Variants in RFX8 observed in about 807,000 individuals in gnomAD.
RFX8 encodes the protein regulatory factor X8.
A neutral mutation model predicts 54.6 loss-of-function variants in RFX8; 46 were observed. The observed-to-expected ratio is 0.84, with a 90% CI of 0.67 to 1.08. RFX8 has a LOEUF of 1.08. RFX8 is among the 50% of genes least tolerant of loss of function. The pLI, the probability that RFX8 is intolerant of heterozygous loss-of-function variation, is 0.00. For missense variants in RFX8, 536 were observed against 562.3 expected (o/e 0.95, Z 0.47); for synonymous variants, 192 against 209.5 (o/e 0.92, Z 0.72).
chr2:101,447,272 A>ATTC (rs56327233), intron 2 of RFX8, among the ~76,000 whole-genome samples: 113,609 of 151,886 alleles, frequency 0.75, 43,595 homozygotes, highest in Middle Eastern at 0.88. Flanking sequence ...TTTCCCAACT[A>ATTC]TTCTTAAACC....
intron 2 of RFX8, among the ~76,000 whole-genome samples, chr2:101,446,387 G>C (rs756776120): frequency 4.0e-5 from 6 of 151,578 alleles, no homozygotes; most frequent in Non-Finnish European, 8.8e-5. Context: ...TGTTGGCCAG[G>C]CTGGTCTCGA....
intron 3 of RFX8, 119 bp downstream of exon 3, chr2:101,422,243 G>T: frequency 1.5e-6 from 1 of 646,678 alleles, no homozygotes; most frequent in Non-Finnish European, 2.8e-6. Flanking sequence ...CACGGGTCCA[G>T]CAAAGGCAAA....
intron 2 of RFX8, among the ~76,000 whole-genome samples, chr2:101,443,747 G>C (rs1024808033): frequency 3.3e-5 from 5 of 152,144 alleles, no homozygotes; most frequent in Non-Finnish European, 7.3e-5. Flanking sequence ...GTCAATAGGT[G>C]TAGGCATAAA....
In RFX8 at chr2:101,451,702, A is replaced by G. The variant is rs1348394683; in HGVS notation, c.72+15075T>C. 7.5e-4 allele frequency among the ~76,000 whole-genome samples: 113 copies of G among 151,414 alleles called. 3 individuals are homozygous for G. Among genetic ancestry groups the G allele is most frequent in the African/African-American group, 2.5e-3 (105 of 41,268 alleles). ...GAAACTCCGTCTCAAAAAAAAAAAA[A>G]AAAAGAAAAGTAATATAGCCTCGGG... On this transcript the variant is annotated intron_variant, in intron 2 of 11. Coordinates refer to ENST00000428343, the MANE Select transcript of RFX8 (RefSeq NM_001145664.2).
chr2:101,427,624 C>T lies in RFX8; in HGVS notation c.73-5152G>A, dbSNP rs115982677. ...GTTGTTTTAAGTCACTGACTTTGTG[C>T]TAATTTGTCACAACAACAGTGGGAA... On this transcript the variant is annotated intron_variant, in intron 2 of 11. Transcript: ENST00000428343. Among the ~76,000 whole-genome samples the T allele has an allele frequency of 2.0e-3, 297 of 152,272 alleles. 1 individual carries two copies. The highest frequency in any genetic ancestry group is 0.01 in the Middle Eastern group (3 of 294).
At chr2:101,451,836 G>T (rs758886339) in intron 2 of RFX8, among the ~76,000 whole-genome samples, 3 of 152,170 alleles carry the variant, frequency 2.0e-5, no homozygotes, top group Non-Finnish European at 2.9e-5. Context: ...GCTCACGCCC[G>T]TAATCCCAGT....
intron 2 of RFX8, among the ~76,000 whole-genome samples, chr2:101,436,388 A>G (rs1687783827): frequency 6.6e-6 from 1 of 152,130 alleles, no homozygotes; most frequent in Admixed American, 6.5e-5. Flanking sequence ...GATAAAGACA[A>G]TTGAGATGCC....
At chr2:101,437,952 C>T (rs1057192283) in intron 2 of RFX8, among the ~76,000 whole-genome samples, 2 of 152,294 alleles carry the variant, frequency 1.3e-5, no homozygotes, top group East Asian at 1.9e-4. Context: ...GACTCATATG[C>T]TATATAACTT....
chr2:101,426,285 G>A (rs1015875176), intron 2 of RFX8, among the ~76,000 whole-genome samples: 5 of 151,878 alleles, frequency 3.3e-5, no homozygotes, highest in African/African-American at 7.3e-5. Context: ...CGATTGCCTC[G>A]GGCCAGGAGT....
intron 4 of RFX8, 197 bp downstream of exon 4, chr2:101,421,527 T>C (rs1686861641): frequency 7.7e-7 from 1 of 1,292,306 alleles, no homozygotes; most frequent in East Asian, 3.0e-5. Flanking sequence ...TCCAACTGAT[T>C]ACACTGAATA....
At position 101,431,923 on chromosome 2, in the gene RFX8, C is replaced by T. The variant is rs183907961; in HGVS notation, c.73-9451G>A. On this transcript the variant is annotated intron_variant, in intron 2 of 11. Coordinates refer to ENST00000428343, the MANE Select transcript of RFX8 (RefSeq NM_001145664.2). ...AAGGGACGTGCCTGCCATGTAGGGG[C>T]CTGTGTATAGCAGGAATCCTCACTG... is the stretch of plus-strand genomic sequence containing the variant. 4.5e-3 allele frequency among the ~76,000 whole-genome samples: 683 copies of T among 152,192 alleles called. 4 individuals carry two copies. Among genetic ancestry groups the T allele is most frequent in the South Asian group, 0.014 (67 of 4,814 alleles).
chr2:101,450,846 T>G (rs1573456689), intron 2 of RFX8, among the ~76,000 whole-genome samples: 1 of 152,220 alleles, frequency 6.6e-6, no homozygotes, highest in Non-Finnish European at 1.5e-5. Flanking sequence ...AGCTCTGTTA[T>G]GTAGACAGGC....
At position 101,402,536 on chromosome 2, in the gene RFX8, AC is replaced by A; in HGVS notation, c.1144del (p.Val382Ter). On this transcript the variant is annotated frameshift_variant, in exon 11 of 12. Coordinates refer to ENST00000428343, the MANE Select transcript of RFX8 (RefSeq NM_001145664.2). LOFTEE classifies it high-confidence loss of function. ...CASPSMEPLG[V>X]MPTHMGQGRY... Reference sequence around the variant, plus strand: ...GCCCTGGCCCATGTGTGTGGGCATCACCCCCAGTGGCTCCATGCTGGGGCTG... The same window carrying A: ...GCCCTGGCCCATGTGTGTGGGCATCACCCCAGTGGCTCCATGCTGGGGCTG... The A allele has an allele frequency of 6.4e-7, 1 of 1,551,470 alleles. No homozygotes were observed.
intron 2 of RFX8, among the ~76,000 whole-genome samples, chr2:101,437,184 A>C (rs1035722184): frequency 6.6e-6 from 1 of 152,240 alleles, no homozygotes; most frequent in Non-Finnish European, 1.5e-5. Flanking sequence ...TCACGCCTGT[A>C]ATCTCAGCAC....
chr2:101,409,411 A>G (rs959072467), intron 9 of RFX8, among the ~76,000 whole-genome samples: 4 of 150,770 alleles, frequency 2.7e-5, no homozygotes, highest in African/African-American at 9.8e-5. Flanking sequence ...TTTTTTTAGT[A>G]GAGACGGGGT....
intron 2 of RFX8, among the ~76,000 whole-genome samples, chr2:101,430,941 T>C (rs1344971848): frequency 1.3e-5 from 2 of 152,250 alleles, no homozygotes; most frequent in Non-Finnish European, 2.9e-5. Context: ...GTCATCACTC[T>C]TTAGAGATGT....
chr2:101,456,322 C>T (rs1050379868), intron 2 of RFX8, among the ~76,000 whole-genome samples: 3 of 152,134 alleles, frequency 2.0e-5, no homozygotes, highest in Non-Finnish European at 4.4e-5. Flanking sequence ...CACTTTTTGC[C>T]CATTCAGTAT....
At chr2:101,429,639 G>A (rs1260417950) in intron 2 of RFX8, among the ~76,000 whole-genome samples, 1 of 152,132 alleles carries the variant, frequency 6.6e-6, no homozygotes, top group East Asian at 1.9e-4. Context: ...CAGAGGTGGT[G>A]GTGTCTCCTC....
At chr2:101,454,141 T>C (rs911474888) in intron 2 of RFX8, among the ~76,000 whole-genome samples, 16 of 145,606 alleles carry the variant, frequency 1.1e-4, no homozygotes, top group Non-Finnish European at 1.3e-4. Flanking sequence ...AGTGAGAACA[T>C]GCAGTGTTTG....
Sources: gnomAD v4.1 joint callset for allele counts (sites outside exome capture counted in the v4.1 genomes callset) on GRCh38, gnomAD v4.1.1 for gene constraint, MANE v1.5 for transcripts, NCBI Gene and HGNC (gene_info 2026-07-23, HGNC 2026-07-21) for gene names.